The following ZSWIM4 variants were observed in gnomAD, a reference collection of about 807,000 sequenced individuals.
ZSWIM4 encodes zinc finger SWIM domain-containing protein 4.
In ZSWIM4, 62 loss-of-function variants were observed where a neutral mutation model predicts 102.5. The ratio of observed to expected loss-of-function variants is 0.60; its 90% CI spans 0.49 to 0.75. The LOEUF is 0.75. Ranked by LOEUF, ZSWIM4 falls within the 30% of genes least tolerant of loss-of-function variation. The probability of loss-of-function intolerance (pLI) is 0.00; values close to 1 mark genes in which losing one functional copy is unlikely to be tolerated. For synonymous variants in ZSWIM4, 652 were observed against 674.5 expected (o/e 0.97, Z 0.52); for missense variants, 1,280 against 1,529.6 (o/e 0.84, Z 2.72).
chr19:13,802,636 T>C (rs1051499623), intron 2 of ZSWIM4, among the ~76,000 whole-genome samples: 31 of 150,048 alleles, frequency 2.1e-4, no homozygotes, highest in African/African-American at 7.3e-4. Context: ...TGGAGTGCAG[T>C]GGCGCGATAA....
chr19:13,826,713 C>T (rs778451855), intron 12 of ZSWIM4, among the ~76,000 whole-genome samples: 14 of 151,892 alleles, frequency 9.2e-5, no homozygotes, highest in Non-Finnish European at 1.9e-4. Flanking sequence ...TGCAGTGAGC[C>T]GAAATCACAC....
Position 13,830,419 on chromosome 19 carries a change from A to G in ZSWIM4, c.2690A>G (p.Lys897Arg). The G allele has an allele frequency of 6.2e-7, 1 of 1,611,208 alleles. No homozygotes were observed. The change falls in exon 14 of 14, where the codon AAG (lysine) becomes AGG (arginine). Residue 897 changes from lysine (K) to arginine (R), a missense_variant. Coordinates refer to ENST00000590508, the MANE Select transcript of ZSWIM4 (RefSeq NM_001367834.3). ...TTGCCTGCCCTGACCCTGTGCGAGA[A>G]GAACCACTCGGCCTTCGAGGCGGCC... ...CALPALTLCE[K>R]NHSAFEAAYQ...
At position 13,830,269 on chromosome 19, in the gene ZSWIM4, T is replaced by C; in HGVS notation, c.2540T>C (p.Val847Ala). The stretch of plus-strand genomic sequence containing the variant: ...GTGGAGGCGGCTACCATCGTGGCAG[T>C]GACGGGCACCACACACGCCACTCTG... Reference protein sequence around the residue: ...TPVEAATIVAVTGTTHATLLR... With the variant: ...TPVEAATIVAATGTTHATLLR... The change falls in exon 14 of 14, where the codon GTG (valine) becomes GCG (alanine). Residue 847 changes from valine (V) to alanine (A), a missense_variant. Coordinates refer to ENST00000590508, the MANE Select transcript of ZSWIM4 (RefSeq NM_001367834.3). 6.2e-7 allele frequency: 1 copy of C among 1,613,958 alleles called. No homozygotes were observed. The highest frequency in any genetic ancestry group is 1.1e-5 in the South Asian group (1 of 91,090).
rs767199789 is a variant in ZSWIM4 at position 13,808,971 on chromosome 19, C to A, written c.848C>A (p.Ser283Tyr). The change falls in exon 4 of 14, where the codon TCC becomes TAC. Residue 283 changes from serine (S) to tyrosine (Y), a missense_variant. By Grantham distance (144) the Ser-to-Tyr change is moderately radical (BLOSUM62 -2). Coordinates refer to ENST00000590508, the MANE Select transcript of ZSWIM4 (RefSeq NM_001367834.3). The part of the protein sequence containing the change: ...GYYGASQQLR[S>Y]MFSKVREMLR... ...TACGGGGCCAGCCAGCAGCTGCGCT[C>A]CATGTTCAGCAAGGTGCCGTGCGGG... 6.2e-7 allele frequency: 1 copy of A among 1,611,038 alleles called. No individual in the cohort carries two copies. Among genetic ancestry groups the A allele is most frequent in the Non-Finnish European group, 8.5e-7 (1 of 1,178,692 alleles).
intron 5 of ZSWIM4, among the ~76,000 whole-genome samples, chr19:13,812,645 T>C (rs539508910): frequency 3.1e-4 from 46 of 150,466 alleles, no homozygotes; most frequent in Non-Finnish European, 5.9e-4. Context: ...TTTTTTGGTA[T>C]TTTCAGTAGA....
intron 10 of ZSWIM4, among the ~76,000 whole-genome samples, chr19:13,822,424 G>T (rs1163263821): frequency 6.6e-6 from 1 of 152,126 alleles, no homozygotes; most frequent in African/African-American, 2.4e-5. Flanking sequence ...TGTAACACAT[G>T]AAAAATATAT....
At position 13,817,723 on chromosome 19, in the gene ZSWIM4, C is replaced by T; in HGVS notation, c.1671C>T (p.Asp557=). 2 of 1,608,274 alleles carry T rather than the reference C, an allele frequency of 1.2e-6. No individual in the cohort carries two copies. The highest frequency in any genetic ancestry group is 1.7e-6 in the Non-Finnish European group (2 of 1,178,130). Residue 557 remains aspartate (D), a splice_region_variant and synonymous_variant, in exon 9 of 14, where the codon GAC becomes GAT. Coordinates refer to ENST00000590508, the MANE Select transcript of ZSWIM4 (RefSeq NM_001367834.3). ...LEEETLTLYP[D]SGPEKRKVAY... is the part of the protein sequence containing the mutation. ...CAGCCCTGGCCCTGTCTCCCCCAGA[C>T]TCAGGCCCCGAGAAGCGGAAGGTGG... is the stretch of plus-strand genomic sequence containing the variant.
chr19:13,826,458 G>A (rs919682385), intron 12 of ZSWIM4, among the ~76,000 whole-genome samples: 2 of 152,048 alleles, frequency 1.3e-5, no homozygotes, highest in East Asian at 3.9e-4. Context: ...CTCTAGGGGT[G>A]GGGTCTGTGG....
Position 13,830,553 on chromosome 19 carries a change from G to A in ZSWIM4, c.2824G>A (p.Ala942Thr). 2.5e-6 allele frequency: 4 copies of A among 1,599,522 alleles called. No homozygotes were observed. Among genetic ancestry groups the A allele is most frequent in the Non-Finnish European group, 3.4e-6 (4 of 1,179,550 alleles). ...GCTGCCGCTCCGGGCCTACAAGCTGGCGACGCTGGCCCTGGCGCAGCTCAG... is the reference window on the plus strand; with the variant it reads ...GCTGCCGCTCCGGGCCTACAAGCTGACGACGCTGGCCCTGGCGCAGCTCAG... ...RGLPLRAYKL[A>T]TLALAQLSIA... is the part of the protein sequence containing the mutation. Residue 942 changes from alanine (A) to threonine (T), a missense_variant, in exon 14 of 14, where the codon GCG becomes ACG. By Grantham distance (58) the Ala-to-Thr change is moderately conservative (BLOSUM62 0). Coordinates refer to ENST00000590508, the MANE Select transcript of ZSWIM4 (RefSeq NM_001367834.3).
intron 5 of ZSWIM4, among the ~76,000 whole-genome samples, chr19:13,812,464 T>C (rs1737028789): frequency 6.6e-6 from 1 of 150,888 alleles, no homozygotes; most frequent in Non-Finnish European, 1.5e-5. Flanking sequence ...CCAACTTTTT[T>C]TTTTTTTTTT....
chr19:13,813,475 A>T (rs1975166343), intron 6 of ZSWIM4, among the ~76,000 whole-genome samples: 1 of 151,068 alleles, frequency 6.6e-6, no homozygotes, highest in Admixed American at 6.6e-5. Context: ...AGAGGAAAAA[A>T]GGAGGAATCA....
chr19:13,796,622 C>T (rs975225797), intron 1 of ZSWIM4: 3 of 152,408 alleles, frequency 2.0e-5, no homozygotes, highest in African/African-American at 7.2e-5. Context: ...TATCTCTTCC[C>T]ATAGGAAAAC....
At chr19:13,796,199 T>G (rs1263406696) in intron 1 of ZSWIM4, among the ~76,000 whole-genome samples, 2 of 141,660 alleles carry the variant, frequency 1.4e-5, no homozygotes, top group Non-Finnish European at 3.0e-5. Context: ...GGTACCCCTC[T>G]TTTCCCACCT....
chr19:13,803,620 A>T (rs1475380867), intron 2 of ZSWIM4, among the ~76,000 whole-genome samples: 2 of 151,382 alleles, frequency 1.3e-5, no homozygotes, highest in Non-Finnish European at 1.5e-5. Context: ...CCTGGCCAAT[A>T]TGGTGAAACC....
chr19:13,802,652 CACTGCA>C (rs1974806130), intron 2 of ZSWIM4, among the ~76,000 whole-genome samples: 1 of 151,766 alleles, frequency 6.6e-6, no homozygotes, highest in Non-Finnish European at 1.5e-5. Flanking sequence ...GATAATAGCT[CACTGCA>C]GCCACAAACA....
rs1975759454 is a variant in ZSWIM4, at chr19:13,831,173, T to TG, written c.*128dup. On this transcript the variant is annotated 3_prime_UTR_variant, in exon 14 of 14. Coordinates refer to ENST00000590508, the MANE Select transcript of ZSWIM4 (RefSeq NM_001367834.3). ...GTCAGGGAAGGAGCCCGGCTGGAGA[T>TG]GGGGGCAGGGGGAGCAGCATCCTGC... 7.6e-7 allele frequency: 1 copy of TG among 1,311,110 alleles called. No homozygotes were observed. The highest frequency in any genetic ancestry group is 1.5e-5 in the African/African-American group (1 of 67,750). 81.2% of individuals were successfully genotyped at this position (1,311,110 alleles called of 1,614,324 possible). A position where few individuals can be genotyped will look rare whatever the true frequency, so the allele number is the denominator to read the frequency against.
intron 2 of ZSWIM4, among the ~76,000 whole-genome samples, chr19:13,803,525 T>C (rs568491954): frequency 6.6e-6 from 1 of 151,844 alleles, no homozygotes; most frequent in East Asian, 2.0e-4. Flanking sequence ...CTCGCGCCTA[T>C]AATCCCAGCA....
At chr19:13,819,633 T>C in intron 10 of ZSWIM4, 141 bp downstream of exon 10, 1 of 681,974 alleles carries the variant, frequency 1.5e-6, no homozygotes, top group Non-Finnish European at 2.1e-6. Context: ...CATTTGATGA[T>C]GCCATGTGCT....
chr19:13,800,927 A>AG (rs1318766913), intron 2 of ZSWIM4, among the ~76,000 whole-genome samples: 1 of 152,006 alleles, frequency 6.6e-6, no homozygotes, highest in African/African-American at 2.4e-5. Flanking sequence ...AGATCACTTG[A>AG]GGCCAAGAGT....
Sources: gnomAD v4.1 joint callset for allele counts (sites outside exome capture counted in the v4.1 genomes callset) on GRCh38, gnomAD v4.1.1 for gene constraint, MANE v1.5 for transcripts, NCBI Gene and HGNC (gene_info 2026-07-23, HGNC 2026-07-21) for gene names.